Variants in HSPA12B observed in about 807,000 individuals in gnomAD.
The protein encoded by HSPA12B is heat shock 70 kDa protein 12B.
HSPA12B carries 54 observed loss-of-function variants against 69.3 expected under a neutral mutation model. The observed-to-expected ratio is 0.78, with a 90% confidence interval of 0.63 to 0.98. The LOEUF is 0.98. HSPA12B is among the 50% of genes least tolerant of loss of function. The pLI is 0.00. For synonymous variants in HSPA12B, 441 were observed against 436.5 expected, an observed-to-expected ratio of 1.01 and a Z score of -0.13; for missense variants, 929 against 999.8, an observed-to-expected ratio of 0.93 and a Z score of 0.96.
chr20:3,745,949 A>G lies in HSPA12B; in HGVS notation c.593A>G (p.Lys198Arg). 1 of 1,614,086 alleles carries G rather than the reference A, an allele frequency of 6.2e-7. No individual in the cohort carries two copies. Among genetic ancestry groups the G allele is most frequent in the African/African-American group, 1.3e-5 (1 of 75,052 alleles). Residue 198 changes from lysine to arginine, a missense_variant, in exon 7 of 13, where the codon AAG (lysine) becomes AGG (arginine). Physicochemically the swap from Lys to Arg is conservative, Grantham distance 26 (BLOSUM62 2). This residue lies in a region of HSPA12B where 477 missense variants were observed against 535.2 expected (regional missense o/e 0.89). Transcript: ENST00000254963. This position sits in a 1 kb window ranked among gnomAD's most constrained non-coding sequence, Gnocchi z 5.6. ...GAGCAGAGCCCATCGCTGCCAGAGA[A>G]GGACACTGTGCGCTGGGTGTTGACG... The part of the protein sequence containing the change: ...LREQSPSLPE[K>R]DTVRWVLTVP...
In HSPA12B at chr20:3,745,126, C is replaced by T; in HGVS notation, c.453+38C>T. ...GCTCCAGACAGGGAGGCGGGGCCAGCATGGAAAAGGGCAGGGCTAATGGGG... is the reference window on the plus strand; with the variant it reads ...GCTCCAGACAGGGAGGCGGGGCCAGTATGGAAAAGGGCAGGGCTAATGGGG... On this transcript the variant is annotated intron_variant, in intron 5 of 12. Coordinates refer to ENST00000254963, the MANE Select transcript of HSPA12B (RefSeq NM_052970.5). The surrounding 1 kb of genome is among the most constrained non-coding windows in gnomAD (Gnocchi z 5.6). 8.3e-7 allele frequency: 1 copy of T among 1,198,758 alleles called. No homozygotes were observed. The highest frequency in any genetic ancestry group is 1.2e-6 in the Non-Finnish European group (1 of 824,986). The allele number at this position is 1,198,758 out of a possible 1,614,324, so 74.3% of individuals were successfully genotyped here. A position where few individuals can be genotyped will look rare whatever the true frequency, so the allele number is the denominator to read the frequency against.
At chr20:3,743,367 ATTTTT>A (rs35887491) in intron 4 of HSPA12B, among the ~76,000 whole-genome samples, 1 of 103,312 alleles carries the variant, frequency 9.7e-6, no homozygotes, top group Non-Finnish European at 1.9e-5. Flanking sequence ...AAAAAAAAAA[ATTTTT>A]TTTTGGAGAG....
rs553940580 is a variant in HSPA12B, at chr20:3,749,664, G to T, written c.938-86G>T. ...AGACAGGCCTTGGGACCCGGGGCAG[G>T]GCTGGAGGCTGGGCGAGGCTGGAGG... On this transcript the variant is annotated intron_variant, in intron 9 of 12. Coordinates refer to ENST00000254963, the MANE Select transcript of HSPA12B (RefSeq NM_052970.5). This position sits in a 1 kb window ranked among gnomAD's most constrained non-coding sequence, Gnocchi z 5.5. 7 of 1,015,144 alleles carry T rather than the reference G, an allele frequency of 6.9e-6. No homozygotes were observed. The highest frequency in any genetic ancestry group is 1.6e-5 in the African/African-American group (1 of 61,770). The allele number at this position is 1,015,144 out of a possible 1,614,324, so 62.9% of individuals were successfully genotyped here.
Position 3,750,288 on chromosome 20 carries a change from G to C in HSPA12B, c.1301+61G>C, listed in dbSNP as rs1377404549. ...CCGACCCGGGAATGACCGTGCACTG[G>C]AGGGTCCCGGGCCCCAAGGAACGGT... is the stretch of plus-strand genomic sequence containing the variant. On this transcript the variant is annotated intron_variant, in intron 11 of 12. Coordinates refer to ENST00000254963, the MANE Select transcript of HSPA12B (RefSeq NM_052970.5). 4.1e-6 allele frequency: 6 copies of C among 1,476,810 alleles called. No homozygotes were observed. The African/African-American group carries it at 4.2e-5, about 10-fold the overall frequency. 91.5% of individuals were successfully genotyped at this position (1,476,810 alleles called of 1,614,324 possible). A position where few individuals can be genotyped will look rare whatever the true frequency, so the allele number is the denominator to read the frequency against.
rs2088183701 is a variant in HSPA12B at position 3,740,624 on chromosome 20, C to G, written c.44-191C>G. Among the ~76,000 whole-genome samples, 1 of 152,208 alleles carries G rather than the reference C, an allele frequency of 6.6e-6. No homozygotes were observed. The highest frequency in any genetic ancestry group is 6.5e-5 in the Admixed American group (1 of 15,280). On this transcript the variant is annotated intron_variant, in intron 2 of 12. Transcript: ENST00000254963. This position sits in a 1 kb window ranked among gnomAD's most constrained non-coding sequence, Gnocchi z 4.9. ...TCTGCTAGGGAAACGTTGCCTCTGA[C>G]AGCAGACCCTCAGCTCCTGCCCCTG...
chr20:3,750,890 G>A lies in HSPA12B; in HGVS notation c.1388G>A (p.Gly463Glu). Residue 463 changes from glycine (G) to glutamate (E), a missense_variant, in exon 12 of 13, where the codon GGG becomes GAG. Coordinates refer to ENST00000254963, the MANE Select transcript of HSPA12B (RefSeq NM_052970.5). ...MNELFQPTVSGIIQHIEALLA... is the reference protein window; with the variant it reads ...MNELFQPTVSEIIQHIEALLA... ...GAGCTCTTTCAGCCCACCGTCAGCGGGATCATCCAGCACATAGGTGAGCAC... is the reference window on the plus strand; with the variant it reads ...GAGCTCTTTCAGCCCACCGTCAGCGAGATCATCCAGCACATAGGTGAGCAC... The A allele has an allele frequency of 6.2e-7, 1 of 1,613,964 alleles. No individual in the cohort carries two copies. The highest frequency in any genetic ancestry group is 1.6e-4 in the Middle Eastern group (1 of 6,062).
At position 3,749,635 on chromosome 20, in the gene HSPA12B, C is replaced by A; in HGVS notation, c.938-115C>A. On this transcript the variant is annotated intron_variant, in intron 9 of 12. Transcript: ENST00000254963. The surrounding 1 kb of genome is among the most constrained non-coding windows in gnomAD (Gnocchi z 5.5). The stretch of plus-strand genomic sequence containing the variant: ...AGCCCCTCACGTCCCTCCCCCGACC[C>A]TGCAGACAGGCCTTGGGACCCGGGG... 1.3e-6 allele frequency: 1 copy of A among 766,404 alleles called. No individual in the cohort carries two copies. Among genetic ancestry groups the A allele is most frequent in the South Asian group, 1.8e-5 (1 of 56,476 alleles). The allele number at this position is 766,404 out of a possible 1,614,324, so 47.5% of individuals were successfully genotyped here. A position where few individuals can be genotyped will look rare whatever the true frequency, so the allele number is the denominator to read the frequency against.
At chr20:3,735,451 C>T (rs1278470166) in intron 1 of HSPA12B, among the ~76,000 whole-genome samples, 2 of 148,458 alleles carry the variant, frequency 1.3e-5, no homozygotes, top group South Asian at 2.1e-4. Flanking sequence ...CAGTGTAGAG[C>T]GAGGACTCAG....
At position 3,752,180 on chromosome 20, in the gene HSPA12B, C is replaced by T. The variant is rs773595635; in HGVS notation, c.*14C>T. 36 of 1,454,032 alleles carry T rather than the reference C, an allele frequency of 2.5e-5. No homozygotes were observed. Among genetic ancestry groups the T allele is most frequent in the Admixed American group, 7.7e-5 (3 of 39,014 alleles). 90.1% of individuals were successfully genotyped at this position (1,454,032 alleles called of 1,614,324 possible). A position where few individuals can be genotyped will look rare whatever the true frequency, so the allele number is the denominator to read the frequency against. On this transcript the variant is annotated 3_prime_UTR_variant, in exon 13 of 13. Transcript: ENST00000254963. ...CTTTCCAACTGAGGGCGCGCCGGCG[C>T]GGTGCCAGCGCCGTCTGCCCGGCCC...
Position 3,744,585 on chromosome 20 carries a change from CCTT to C in HSPA12B, c.267-316_267-314del, listed in dbSNP as rs1422865636. Among the ~76,000 whole-genome samples, 1 of 152,250 alleles carries C rather than the reference CCTT, an allele frequency of 6.6e-6. No individual in the cohort carries two copies. Among genetic ancestry groups the C allele is most frequent in the Non-Finnish European group, 1.5e-5 (1 of 68,046 alleles). On this transcript the variant is annotated intron_variant, in intron 4 of 12. Coordinates refer to ENST00000254963, the MANE Select transcript of HSPA12B (RefSeq NM_052970.5). The surrounding 1 kb of genome is among the most constrained non-coding windows in gnomAD (Gnocchi z 4.9). The stretch of plus-strand genomic sequence containing the variant: ...ACCTGGATGGCTGCAATATCCTCCT[CCTT>C]GGTTTCCTTTCTCCATGCTCCCTTC...
At chr20:3,747,403 G>C (rs1342778260) in intron 7 of HSPA12B, among the ~76,000 whole-genome samples, 1 of 152,166 alleles carries the variant, frequency 6.6e-6, no homozygotes, top group East Asian at 1.9e-4. Context: ...TCCCCAGCCA[G>C]AACAAACACC....
In HSPA12B at chr20:3,742,340, C is replaced by T; in HGVS notation, c.198C>T (p.Asp66=). ...QASFSVVVAI[D]FGTTSSGYAF... is the part of the protein sequence containing the mutation. Reference sequence around the variant, plus strand: ...CCTTCTCTGTGGTGGTGGCCATTGACTTCGGCACCACGTCTAGTGGCTATG... The same window carrying T: ...CCTTCTCTGTGGTGGTGGCCATTGATTTCGGCACCACGTCTAGTGGCTATG... Residue 66 remains aspartate (D), a synonymous_variant, in exon 4 of 13, where the codon GAC becomes GAT. Transcript: ENST00000254963. 6.2e-7 allele frequency: 1 copy of T among 1,614,160 alleles called. No individual in the cohort carries two copies. Among genetic ancestry groups the T allele is most frequent in the Non-Finnish European group, 8.5e-7 (1 of 1,179,976 alleles).
intron 4 of HSPA12B, among the ~76,000 whole-genome samples, chr20:3,742,983 C>G (rs1319802028): frequency 6.6e-6 from 1 of 152,024 alleles, no homozygotes; most frequent in Non-Finnish European, 1.5e-5. Flanking sequence ...ATGCCATTCT[C>G]CTGCCTCAGC....
chr20:3,752,321 T>A lies in HSPA12B; in HGVS notation c.*155T>A. 1.4e-6 allele frequency: 1 copy of A among 712,870 alleles called. No homozygotes were observed. The highest frequency in any genetic ancestry group is 1.9e-5 in the African/African-American group (1 of 52,662). The allele number at this position is 712,870 out of a possible 1,614,324, so 44.2% of individuals were successfully genotyped here. On this transcript the variant is annotated 3_prime_UTR_variant, in exon 13 of 13. Coordinates refer to ENST00000254963, the MANE Select transcript of HSPA12B (RefSeq NM_052970.5). The stretch of plus-strand genomic sequence containing the variant: ...CGGGGGAGATAAGGTCATGGGAGAG[T>A]GGGTGGGGACACACCCAGAGACTGG...
At chr20:3,750,313 TGGGGGTCTGC>T in intron 11 of HSPA12B, 86 bp downstream of exon 11, 6 of 1,348,442 alleles carry the variant, frequency 4.4e-6, no homozygotes, top group Non-Finnish European at 5.9e-6. Context: ...CAAGGAACGG[TGGGGGTCTGC>T]CTGATTCATC....
intron 1 of HSPA12B, among the ~76,000 whole-genome samples, chr20:3,735,157 G>T (rs1031704813): frequency 6.6e-6 from 1 of 152,170 alleles, no homozygotes; most frequent in Non-Finnish European, 1.5e-5. Context: ...ATCATGAAGG[G>T]AAAGAACACT....
In HSPA12B at chr20:3,740,821, G is replaced by C; in HGVS notation, c.50G>C (p.Ser17Thr). 6.2e-7 allele frequency: 1 copy of C among 1,613,492 alleles called. No individual in the cohort carries two copies. The highest frequency in any genetic ancestry group is 1.3e-5 in the African/African-American group (1 of 75,042). The change falls in exon 3 of 13, where the codon AGC becomes ACC. Residue 17 changes from serine to threonine, a missense_variant. Physicochemically the swap from Ser to Thr is moderately conservative, Grantham distance 58. Around this residue, in one of 3 missense-constraint regions of HSPA12B, gnomAD observed 477 missense variants for 535.2 expected, o/e 0.89. Transcript: ENST00000254963. This position sits in a 1 kb window ranked among gnomAD's most constrained non-coding sequence, Gnocchi z 4.9. ...MGLQGLYIGS[S>T]PERSPVPSPP... ...TGCCGTCTCTTCTCTGCAGGCTCCA[G>C]CCCGGAGCGGTCCCCAGTGCCTAGC...
At chr20:3,734,508 G>A (rs2088077705) in intron 1 of HSPA12B, among the ~76,000 whole-genome samples, 1 of 152,162 alleles carries the variant, frequency 6.6e-6, no homozygotes, top group Admixed American at 6.5e-5. Flanking sequence ...AAACCCATAG[G>A]CACCACCAGT....
chr20:3,752,024 GC>G lies in HSPA12B; in HGVS notation c.1921del (p.Gln641ArgfsTer78), dbSNP rs2088435712. On this transcript the variant is annotated frameshift_variant, in exon 13 of 13. Coordinates refer to ENST00000254963, the MANE Select transcript of HSPA12B (RefSeq NM_052970.5). LOFTEE classifies it high-confidence loss of function. The stretch of plus-strand genomic sequence containing the variant: ...CTCGAGCTTGAGCCCGCCGACTGCG[GC>G]CAGGACACCGCCGGCGCGCCTCCCG... ...LSLELEPADC[G>X]QDTAGAPPGR... The G allele has an allele frequency of 6.4e-7, 1 of 1,561,950 alleles. No individual in the cohort carries two copies. Among genetic ancestry groups the G allele is most frequent in the African/African-American group, 1.4e-5 (1 of 73,040 alleles).
Sources: gnomAD v4.1 joint callset for allele counts (sites outside exome capture counted in the v4.1 genomes callset) on GRCh38, gnomAD v4.1.1 for gene constraint, gnomAD v4.1.1 regional missense constraint, Gnocchi (gnomAD v3.1) non-coding constraint, MANE v1.5 for transcripts, NCBI Gene and HGNC (gene_info 2026-07-23, HGNC 2026-07-21) for gene names.